The following PIGX variants were observed in gnomAD, a reference collection of about 807,000 sequenced individuals.
PIGX encodes phosphatidylinositol glycan anchor biosynthesis class X, also known as GPI alpha-1,4-mannosyltransferase I, stabilizing subunit.
Under a neutral mutation model 28.7 loss-of-function variants are expected in PIGX, and 24 were observed. The observed-to-expected ratio is 0.84, with a 90% CI of 0.60 to 1.17. PIGX has a LOEUF of 1.17. Ranked by LOEUF, PIGX falls within the 50% of genes most tolerant of loss-of-function variation. PIGX has a pLI of 0.00. For synonymous variants in PIGX, 127 were observed against 121.0 expected, an observed-to-expected ratio of 1.05 and a Z score of -0.33; for missense variants, 305 against 317.8, an observed-to-expected ratio of 0.96 and a Z score of 0.31.
At chr3:196,713,238 G>T in intron 1 of PIGX, 1 of 274,808 alleles carries the variant, frequency 3.6e-6, no homozygotes, top group Non-Finnish European at 5.5e-6. Flanking sequence ...GTCAATCAGT[G>T]CAGTTCTGCT....
chr3:196,717,508 A>G (rs907175433), intron 2 of PIGX, among the ~76,000 whole-genome samples: 2 of 152,124 alleles, frequency 1.3e-5, no homozygotes, highest in African/African-American at 4.8e-5. Context: ...CAGATGCTCA[A>G]GTTCCCTATA....
rs142191654 is a variant in PIGX at position 196,722,846 on chromosome 3, C to G, written c.318+290C>G. Among the ~76,000 whole-genome samples the G allele has an allele frequency of 8.1e-3, 1,229 of 152,248 alleles. 12 individuals carry two copies. The highest frequency in any genetic ancestry group is 0.028 in the African/African-American group (1,174 of 41,528). On this transcript the variant is annotated intron_variant, in intron 3 of 5. Coordinates refer to ENST00000392391, the MANE Select transcript of PIGX (RefSeq NM_017861.4). ...AATTAATGATTAATAAATAGTGCCT[C>G]AACAGTAACTTTGTTAATGAGAATG...
At chr3:196,724,752 A>C (rs1209588251) in intron 3 of PIGX, among the ~76,000 whole-genome samples, 2 of 152,198 alleles carry the variant, frequency 1.3e-5, no homozygotes, top group Non-Finnish European at 2.9e-5. Context: ...TTGATGCCTG[A>C]CATATTCCTT....
In PIGX at chr3:196,716,842, C is replaced by T. The variant is rs773706750; in HGVS notation, c.113-16C>T. 4.8e-6 allele frequency: 7 copies of T among 1,449,902 alleles called. No homozygotes were observed. The highest frequency in any genetic ancestry group is 2.9e-5 in the African/African-American group (2 of 69,892). The allele number at this position is 1,449,902 out of a possible 1,614,324, so 89.8% of individuals were successfully genotyped here. A position where few individuals can be genotyped will look rare whatever the true frequency, so the allele number is the denominator to read the frequency against. ...AGTGCTTTTGTTTTTAAAAAAAAAT[C>T]GTTTGGTTCTTATAGGCATAAGGGC... is the stretch of plus-strand genomic sequence containing the variant. On this transcript the variant is annotated splice_polypyrimidine_tract_variant and intron_variant, in intron 1 of 5. Transcript: ENST00000392391.
intron 1 of PIGX, 181 bp downstream of exon 1, chr3:196,712,825 G>T: frequency 2.7e-6 from 3 of 1,100,944 alleles, no homozygotes; most frequent in Non-Finnish European, 3.3e-6. Flanking sequence ...CTCTGCGGCG[G>T]ATCCCGGGTC....
intron 4 of PIGX, chr3:196,728,694 A>G (rs115640014): frequency 1.3e-6 from 1 of 766,390 alleles, no homozygotes; most frequent in African/African-American, 1.7e-5. Flanking sequence ...TTTACTGGAA[A>G]TTGGCAGCTG....
chr3:196,725,647 G>A (rs1712489798), intron 3 of PIGX, among the ~76,000 whole-genome samples: 1 of 152,174 alleles, frequency 6.6e-6, no homozygotes, highest in South Asian at 2.1e-4. Flanking sequence ...GTATTTATCA[G>A]TGTGTATATG....
At chr3:196,726,525 G>A in intron 3 of PIGX, 1 of 341,042 alleles carries the variant, frequency 2.9e-6, no homozygotes, top group South Asian at 2.2e-5. Context: ...AAAAACTAAT[G>A]CAAGTTTTGC....
At chr3:196,732,285 TTTA>T (rs1560080889) in intron 5 of PIGX, among the ~76,000 whole-genome samples, 2 of 80,928 alleles carry the variant, frequency 2.5e-5, no homozygotes, top group Admixed American at 1.3e-4. Flanking sequence ...TTTTTTTTAT[TTTA>T]TTTTTTTTTT....
chr3:196,725,280 A>G (rs947179106), intron 3 of PIGX, among the ~76,000 whole-genome samples: 8 of 152,216 alleles, frequency 5.3e-5, no homozygotes, highest in African/African-American at 1.9e-4. Context: ...AGTGGAGAAC[A>G]GGTAACAAAT....
chr3:196,719,219 T>C (rs1577671521), intron 2 of PIGX, among the ~76,000 whole-genome samples: 1 of 152,256 alleles, frequency 6.6e-6, no homozygotes, highest in African/African-American at 2.4e-5. Context: ...ATATGGTTGG[T>C]CTGGTTTAAA....
At chr3:196,728,618 A>G (rs1344570585) in intron 4 of PIGX, 2 of 760,502 alleles carry the variant, frequency 2.6e-6, no homozygotes, top group Admixed American at 1.7e-5. Context: ...AACCTGGGCC[A>G]TTTGACCTGT....
rs1287832887 is a variant in PIGX at position 196,732,231 on chromosome 3, TATATATATATATATATATATATATA to T, written c.633+1140_633+1164del. On this transcript the variant is annotated intron_variant, in intron 5 of 5. Transcript: ENST00000392391. ...TATATATTATTTATATATATATATA[TATATATATATATATATATATATATA>T]TTTTATTTTATTTTATTTTTTTTTT... Among the ~76,000 whole-genome samples, 13 of 51,104 alleles carry T rather than the reference TATATATATATATATATATATATATA, an allele frequency of 2.5e-4. 1 individual carries two copies. Among genetic ancestry groups the T allele is most frequent in the African/African-American group, 9.3e-4 (11 of 11,768 alleles). The allele number at this position is 51,104 out of a possible 152,430, so 33.5% of individuals were successfully genotyped here.
chr3:196,727,197 G>T (rs1198690501), intron 3 of PIGX, among the ~76,000 whole-genome samples: 2 of 152,140 alleles, frequency 1.3e-5, no homozygotes, highest in Non-Finnish European at 2.9e-5. Flanking sequence ...TATAATGCCT[G>T]TGTGTGTATG....
chr3:196,732,287 T>A (rs539842176), intron 5 of PIGX, among the ~76,000 whole-genome samples: 2,805 of 80,428 alleles, frequency 0.035, 385 homozygotes, highest in African/African-American at 0.1. Flanking sequence ...TTTTTTATTT[T>A]ATTTTTTTTT....
chr3:196,730,192 C>T (rs886680350), intron 4 of PIGX, among the ~76,000 whole-genome samples: 1 of 151,868 alleles, frequency 6.6e-6, no homozygotes, highest in African/African-American at 2.4e-5. Context: ...ATTATATTAC[C>T]TTTGTTCATC....
At chr3:196,720,384 C>G (rs778970309) in intron 2 of PIGX, among the ~76,000 whole-genome samples, 3 of 152,204 alleles carry the variant, frequency 2.0e-5, no homozygotes, top group Non-Finnish European at 2.9e-5. Flanking sequence ...AATTTCCCTT[C>G]TTTTTAAAGC....
At chr3:196,724,106 C>G (rs990723061) in intron 3 of PIGX, among the ~76,000 whole-genome samples, 1 of 151,508 alleles carries the variant, frequency 6.6e-6, no homozygotes, top group Non-Finnish European at 1.5e-5. Flanking sequence ...AAACCTCTGC[C>G]TCCCAGGTTC....
intron 3 of PIGX, 45 bp downstream of exon 3, chr3:196,722,601 GT>G: frequency 6.5e-7 from 1 of 1,542,758 alleles, no homozygotes; most frequent in Non-Finnish European, 8.9e-7. Flanking sequence ...TAATTTAGGG[GT>G]GCTGTAGTTT....
Sources: gnomAD v4.1 joint callset for allele counts (sites outside exome capture counted in the v4.1 genomes callset) on GRCh38, gnomAD v4.1.1 for gene constraint, MANE v1.5 for transcripts, NCBI Gene and HGNC (gene_info 2026-07-23, HGNC 2026-07-21) for gene names.